PARP16: variants seen among roughly 807,000 people sequenced by gnomAD.
PARP16 encodes the protein protein mono-ADP-ribosyltransferase PARP16.
A neutral mutation model predicts 35.0 loss-of-function variants in PARP16; 31 were observed. That is an observed-to-expected ratio of 0.88 (90% CI 0.66 to 1.19). The LOEUF is 1.19. Among genes scored for constraint, PARP16 ranks in the 50% most tolerant of loss-of-function variants. PARP16 has a pLI of 0.00. For missense variants in PARP16, 424 were observed against 411.2 expected (o/e 1.03, Z -0.27); for synonymous variants, 162 against 169.5 (o/e 0.96, Z 0.34).
At chr15:65,261,978 TA>T (rs2089735253) in intron 4 of PARP16, among the ~76,000 whole-genome samples, 1 of 152,218 alleles carries the variant, frequency 6.6e-6, no homozygotes, top group African/African-American at 2.4e-5. Flanking sequence ...GCAAACTTCC[TA>T]AGAATTATAA....
intron 3 of PARP16, among the ~76,000 whole-genome samples, chr15:65,245,779 C>T (rs762125135): frequency 4.6e-5 from 7 of 152,090 alleles, no homozygotes; most frequent in Non-Finnish European, 8.8e-5. Flanking sequence ...GGACCCTGGC[C>T]GTCAGCAGCT....
chr15:65,235,261 C>A (rs575935933), intron 3 of PARP16, among the ~76,000 whole-genome samples: 1 of 151,650 alleles, frequency 6.6e-6, no homozygotes, highest in Non-Finnish European at 1.5e-5. Flanking sequence ...GAGCCGAGAT[C>A]GCGCCACTGC....
downstream of PARP16, chr15:65,234,317 G>A (rs1019179929): frequency 6.6e-6 from 1 of 152,176 alleles, no homozygotes; most frequent in Non-Finnish European, 1.5e-5. Flanking sequence ...CATGTTTCCT[G>A]TCCTGAGCTG....
chr15:65,240,882 G>T (rs757657762), intron 3 of PARP16, among the ~76,000 whole-genome samples: 3 of 151,224 alleles, frequency 2.0e-5, no homozygotes, highest in African/African-American at 7.3e-5. Context: ...GCCTAGGCTG[G>T]AGTGCAGTGG....
At chr15:65,278,037 G>C (rs1261313284) in intron 1 of PARP16, among the ~76,000 whole-genome samples, 1 of 152,210 alleles carries the variant, frequency 6.6e-6, no homozygotes, top group Non-Finnish European at 1.5e-5. Context: ...GGGATGGGGA[G>C]GGTTTCCCAC....
chr15:65,271,154 C>T (rs1289703710), intron 1 of PARP16, 82 bp from the exon 2 acceptor site: 4 of 1,375,750 alleles, frequency 2.9e-6, no homozygotes, highest in South Asian at 2.4e-5. Context: ...AGGCAGGCAA[C>T]GTTCACTTGT....
At chr15:65,233,488 C>T (rs2088808255), downstream of PARP16, among the ~76,000 whole-genome samples, 2 of 152,098 alleles carry the variant, frequency 1.3e-5, no homozygotes, top group Non-Finnish European at 2.9e-5. Flanking sequence ...CCTGTAATCC[C>T]AGTACTTTGG....
At chr15:65,232,333 C>T (rs971535901), downstream of PARP16, among the ~76,000 whole-genome samples, 2 of 152,078 alleles carry the variant, frequency 1.3e-5, no homozygotes, top group Non-Finnish European at 2.9e-5. Flanking sequence ...GGAGTTTGCT[C>T]CTATCAGCTC....
intron 2 of PARP16, among the ~76,000 whole-genome samples, chr15:65,252,399 G>A (rs2089385172): frequency 6.6e-6 from 1 of 152,198 alleles, no homozygotes; most frequent in African/African-American, 2.4e-5. Flanking sequence ...CCTCTGATAG[G>A]CAATATATTA....
chr15:65,261,251 G>A (rs1270865208), intron 4 of PARP16, among the ~76,000 whole-genome samples: 4 of 151,256 alleles, frequency 2.6e-5, no homozygotes, highest in African/African-American at 9.7e-5. Flanking sequence ...ATACAAGGAA[G>A]AAAAAACAAA....
rs943095573 is a variant in PARP16 at position 65,286,437 on chromosome 15, T to C, written c.-11A>G. 2.3e-5 allele frequency: 34 copies of C among 1,474,236 alleles called. No homozygotes were observed. The highest frequency in any genetic ancestry group is 2.8e-5 in the Non-Finnish European group (31 of 1,115,628). The allele number at this position is 1,474,236 out of a possible 1,614,324, so 91.3% of individuals were successfully genotyped here. On this transcript the variant is annotated 5_prime_UTR_variant, in exon 1 of 6. Transcript: ENST00000649807. The stretch of plus-strand genomic sequence containing the variant: ...GCCTGAGGGCTGCATCCCAGGTCAC[T>C]GCGCGTTGCCGGGGTAGACGCGCTG...
intron 1 of PARP16, among the ~76,000 whole-genome samples, chr15:65,281,306 G>A (rs907850345): frequency 6.6e-6 from 1 of 152,180 alleles, no homozygotes; most frequent in Non-Finnish European, 1.5e-5. Context: ...CTGAGCCTGG[G>A]TATTCAGCAC....
At position 65,286,674 on chromosome 15, in the gene PARP16, G is replaced by C. The variant is rs1308341940; in HGVS notation, c.-248C>G. On this transcript the variant is annotated 5_prime_UTR_variant, in exon 1 of 6. Coordinates refer to ENST00000649807, the MANE Select transcript of PARP16 (RefSeq NM_001316943.2). ...GAGGCCTGGACCGCGGGTCGGCGGG[G>C]AGGTTGGGCCCAGGGATAAAGGAAC... The C allele has an allele frequency of 2.4e-6, 1 of 425,042 alleles. No individual in the cohort carries two copies. The highest frequency in any genetic ancestry group is 3.7e-5 in the East Asian group (1 of 26,748). 26.3% of individuals were successfully genotyped at this position (425,042 alleles called of 1,614,324 possible).
intron 3 of PARP16, among the ~76,000 whole-genome samples, chr15:65,236,796 C>A (rs2088889427): frequency 6.6e-6 from 1 of 151,992 alleles, no homozygotes; most frequent in Non-Finnish European, 1.5e-5. Context: ...CATGGTGAAA[C>A]CCCATCTCTA....
chr15:65,246,655 G>A (rs1441426252), intron 3 of PARP16, among the ~76,000 whole-genome samples: 1 of 152,190 alleles, frequency 6.6e-6, no homozygotes, highest in African/African-American at 2.4e-5. Flanking sequence ...TCAGAAGAGG[G>A]TGTTGAACCT....
intron 3 of PARP16, among the ~76,000 whole-genome samples, chr15:65,242,039 T>C (rs1244384804): frequency 6.6e-6 from 1 of 152,222 alleles, no homozygotes; most frequent in Non-Finnish European, 1.5e-5. Context: ...CTTGGATTAA[T>C]TTTTGTGTAT....
chr15:65,285,984 A>G (rs1290097299), intron 1 of PARP16, among the ~76,000 whole-genome samples: 1 of 152,194 alleles, frequency 6.6e-6, no homozygotes, highest in Non-Finnish European at 1.5e-5. Flanking sequence ...GGACTATGCA[A>G]CTATTCCTCA....
rs1353687211 is a variant in PARP16, at chr15:65,263,202, G to A, written c.638C>T (p.Ala213Val). 1 of 1,614,166 alleles carries A rather than the reference G, an allele frequency of 6.2e-7. No homozygotes were observed. Among genetic ancestry groups the A allele is most frequent in the East Asian group, 2.2e-5 (1 of 44,876 alleles). ...CGGATGGTCAATGACCTCACACACG[G>A]CCACACAGCTAAGGATGGGGCCGAG... ...SLLGPILSCV[A>V]VCEVIDHPDV... Residue 213 changes from alanine (A) to valine (V), a missense_variant, in exon 4 of 6, where the codon GCC becomes GTC. By Grantham distance (64) the Ala-to-Val change is moderately conservative. Transcript: ENST00000649807.
At position 65,259,168 on chromosome 15, in the gene PARP16, G is replaced by T; in HGVS notation, c.*239C>A. 2 of 504,716 alleles carry T rather than the reference G, an allele frequency of 4.0e-6. No homozygotes were observed. Among genetic ancestry groups the T allele is most frequent in the East Asian group, 3.2e-5 (1 of 31,686 alleles). 31.3% of individuals were successfully genotyped at this position (504,716 alleles called of 1,614,324 possible). On this transcript the variant is annotated 3_prime_UTR_variant, in exon 6 of 6. Transcript: ENST00000649807. ...CAACTCCCTAGGACAGTTTAAGAAGGAGCAGATGGAAGGACTCCCCTAAAA... is the reference window on the plus strand; with the variant it reads ...CAACTCCCTAGGACAGTTTAAGAAGTAGCAGATGGAAGGACTCCCCTAAAA...
Sources: allele counts gnomAD v4.1 joint callset (sites outside exome capture counted in the v4.1 genomes callset), GRCh38; gene constraint gnomAD v4.1.1; transcripts MANE v1.5; gene names NCBI Gene and HGNC (gene_info 2026-07-23, HGNC 2026-07-21).